LINGO2: variants seen among roughly 807,000 people sequenced by gnomAD.
LINGO2 encodes the protein leucine-rich repeat and immunoglobulin-like domain-containing nogo receptor-interacting protein 2.
LINGO2 carries 14 observed loss-of-function variants against 30.6 expected under a neutral mutation model. That is an observed-to-expected ratio of 0.46 (90% CI 0.30 to 0.72). LINGO2 has a LOEUF of 0.72. Among genes scored for constraint, LINGO2 ranks in the 30% least tolerant of loss-of-function variants. The pLI, the probability that LINGO2 is intolerant of heterozygous loss-of-function variation, is 0.07. For missense variants in LINGO2, 729 were observed against 751.7 expected (o/e 0.97, Z 0.35); for synonymous variants, 317 against 288.5 (o/e 1.10, Z -1.00).
chr9:28,983,615 C>G, the LINGO2 span, among the ~76,000 whole-genome samples: 1 of 151,784 alleles, frequency 6.6e-6, no homozygotes, highest in African/African-American at 2.4e-5. Flanking sequence ...TAATAATAAA[C>G]AGTGACTACA....
chr9:28,293,838 C>T (rs1340920560), intron 4 of LINGO2, among the ~76,000 whole-genome samples: 3 of 152,144 alleles, frequency 2.0e-5, no homozygotes, highest in Non-Finnish European at 4.4e-5. Context: ...AGTATTTTCG[C>T]TACAGTTATG....
At chr9:28,534,478 A>T (rs535863118) in intron 1 of LINGO2, among the ~76,000 whole-genome samples, 1 of 152,294 alleles carries the variant, frequency 6.6e-6, no homozygotes, top group Non-Finnish European at 1.5e-5. Flanking sequence ...CTTATTCCAC[A>T]ACTAACCAAG....
intron 1 of LINGO2, among the ~76,000 whole-genome samples, chr9:28,579,910 C>T (rs142942447): frequency 2.6e-5 from 4 of 152,168 alleles, no homozygotes; most frequent in African/African-American, 7.2e-5. Context: ...GAGGGAAGCA[C>T]GAGAGCACAT....
rs559401035 is a variant in LINGO2, at chr9:28,430,653, G to A, written c.-279+45287C>T. Among the ~76,000 whole-genome samples the A allele has an allele frequency of 3.9e-5, 6 of 152,104 alleles. No individual in the cohort carries two copies. The East Asian group carries it at 1.2e-3, about 29-fold the overall frequency. The stretch of plus-strand genomic sequence containing the variant: ...TCAGTATACTGTCTTTAATGAATGG[G>A]TTGCTTACACTCAATGTCATATTAC... On this transcript the variant is annotated intron_variant, in intron 2 of 5. Transcript: ENST00000379992.
chr9:28,712,849 A>G, the LINGO2 span, among the ~76,000 whole-genome samples: 3 of 151,946 alleles, frequency 2.0e-5, no homozygotes, highest in Admixed American at 2.0e-4. Context: ...CTCAATTCCT[A>G]ATTTTTTTTA....
intron 5 of LINGO2, among the ~76,000 whole-genome samples, chr9:28,008,591 G>C (rs540082312): frequency 1.3e-4 from 20 of 151,998 alleles, no homozygotes; most frequent in Admixed American, 9.2e-4. Flanking sequence ...ATGAGTTTTA[G>C]CAAGATTTCA....
At chr9:28,394,130 G>A (rs1280946846) in intron 2 of LINGO2, among the ~76,000 whole-genome samples, 3 of 152,042 alleles carry the variant, frequency 2.0e-5, no homozygotes, top group East Asian at 1.9e-4. Flanking sequence ...CAATGGATTC[G>A]CCCAGGTAAG....
At chr9:28,253,271 A>G (rs1046604865) in intron 4 of LINGO2, among the ~76,000 whole-genome samples, 5 of 152,094 alleles carry the variant, frequency 3.3e-5, no homozygotes, top group South Asian at 2.1e-4. Flanking sequence ...CAGGTGCCCA[A>G]TGGGAAAGTC....
chr9:29,007,201 G>C, the LINGO2 span, among the ~76,000 whole-genome samples: 1 of 151,994 alleles, frequency 6.6e-6, no homozygotes, highest in Non-Finnish European at 1.5e-5. Context: ...CTATGGACTT[G>C]ATACTGAATA....
chr9:28,576,159 T>A (rs113000012), intron 1 of LINGO2, among the ~76,000 whole-genome samples: 7 of 152,300 alleles, frequency 4.6e-5, no homozygotes, highest in African/African-American at 1.4e-4. Context: ...TTGGGCAAAA[T>A]CATTTGGCAA....
At chr9:29,045,070 T>C in the LINGO2 span, among the ~76,000 whole-genome samples, 1 of 152,050 alleles carries the variant, frequency 6.6e-6, no homozygotes, top group African/African-American at 2.4e-5. Flanking sequence ...CAACAGTTGA[T>C]TGGATAACCA....
chr9:28,060,775 G>C (rs778642658), intron 4 of LINGO2, among the ~76,000 whole-genome samples: 5 of 152,240 alleles, frequency 3.3e-5, no homozygotes, highest in African/African-American at 9.6e-5. Context: ...TCCAAGGTTG[G>C]GCAAATTTAA....
At chr9:29,186,519 C>A in the LINGO2 span, among the ~76,000 whole-genome samples, 1 of 151,920 alleles carries the variant, frequency 6.6e-6, no homozygotes, top group African/African-American at 2.4e-5. Flanking sequence ...ATTAAAATAA[C>A]CCCCCAGAAA....
At chr9:28,278,778 G>A (rs1261648135) in intron 4 of LINGO2, among the ~76,000 whole-genome samples, 1 of 152,130 alleles carries the variant, frequency 6.6e-6, no homozygotes, top group African/African-American at 2.4e-5. Context: ...TGCAGCCCAT[G>A]AATCAAGGAG....
intron 4 of LINGO2, among the ~76,000 whole-genome samples, chr9:28,208,307 C>G (rs905987287): frequency 6.6e-6 from 1 of 152,016 alleles, no homozygotes; most frequent in Non-Finnish European, 1.5e-5. Flanking sequence ...GGGAGGAGAA[C>G]TATATGCAAC....
chr9:29,100,865 T>C, the LINGO2 span, among the ~76,000 whole-genome samples: 1 of 152,026 alleles, frequency 6.6e-6, no homozygotes, highest in Non-Finnish European at 1.5e-5. Context: ...TAGCTAGCTA[T>C]AACATGTGCT....
At chr9:28,827,149 T>C in the LINGO2 span, among the ~76,000 whole-genome samples, 2 of 152,152 alleles carry the variant, frequency 1.3e-5, no homozygotes, top group Admixed American at 6.6e-5. Context: ...AGATATAAAA[T>C]TAGCTACCTG....
At chr9:28,102,822 T>C (rs1826458035) in intron 4 of LINGO2, among the ~76,000 whole-genome samples, 1 of 152,128 alleles carries the variant, frequency 6.6e-6, no homozygotes, top group Non-Finnish European at 1.5e-5. Context: ...AAGTGGAATG[T>C]GGGAGAAATT....
exon 6 of LINGO2, chr9:27,949,370 T>G (rs775706847): frequency 6.2e-7 from 1 of 1,614,148 alleles, no homozygotes; most frequent in Admixed American, 1.7e-5. Context: ...GGTCTCCATC[T>G]GCACTGCATT....
Sources: gnomAD v4.1 joint callset for allele counts (sites outside exome capture counted in the v4.1 genomes callset) on GRCh38, gnomAD v4.1.1 for gene constraint, MANE v1.5 for transcripts, NCBI Gene and HGNC (gene_info 2026-07-23, HGNC 2026-07-21) for gene names.